Variants in PRIM2 observed in about 807,000 individuals in gnomAD.
PRIM2 encodes the protein DNA primase large subunit.
PRIM2 carries 39 observed loss-of-function variants against 67.3 expected under a neutral mutation model. The observed-to-expected ratio is 0.58, with a 90% CI of 0.45 to 0.76. The LOEUF (loss-of-function observed/expected upper bound fraction) is 0.76. Ranked by LOEUF, PRIM2 falls within the 30% of genes least tolerant of loss-of-function variation. PRIM2 has a pLI of 0.00. For missense variants in PRIM2, 398 were observed against 598.7 expected, an observed-to-expected ratio of 0.66 and a Z score of 3.50; for synonymous variants, 143 against 198.7, an observed-to-expected ratio of 0.72 and a Z score of 2.36.
intron 5 of PRIM2, among the ~76,000 whole-genome samples, chr6:57,327,154 G>A (rs1336351649): frequency 6.6e-6 from 1 of 151,898 alleles, no homozygotes; most frequent in Non-Finnish European, 1.5e-5. Context: ...CACCCGCCTC[G>A]GCCTCCCAAA....
At chr6:57,643,228 C>T (rs1777276757) in intron 13 of PRIM2, among the ~76,000 whole-genome samples, 1 of 152,146 alleles carries the variant, frequency 6.6e-6, no homozygotes, top group Admixed American at 6.5e-5. Flanking sequence ...ATTATTATAG[C>T]ATAAGATACT....
At chr6:57,629,381 TTA>T (rs1162866730) in intron 12 of PRIM2, among the ~76,000 whole-genome samples, 29 of 152,226 alleles carry the variant, frequency 1.9e-4, no homozygotes, top group African/African-American at 7.0e-4. Flanking sequence ...TACATTTATT[TTA>T]TATGATAGGT....
At chr6:57,484,297 C>T (rs1214487834) in intron 7 of PRIM2, among the ~76,000 whole-genome samples, 4 of 152,164 alleles carry the variant, frequency 2.6e-5, no homozygotes, top group African/African-American at 9.7e-5. Context: ...ACAGTATTCA[C>T]ACAGATGTTG....
intron 7 of PRIM2, among the ~76,000 whole-genome samples, chr6:57,451,320 T>A (rs1484542837): frequency 3.3e-5 from 5 of 152,200 alleles, no homozygotes; most frequent in African/African-American, 9.6e-5. Context: ...TTTGTACTTT[T>A]AGTAGAGATG....
the PRIM2 span, among the ~76,000 whole-genome samples, chr6:57,303,684 C>T: frequency 2.0e-5 from 3 of 152,106 alleles, no homozygotes; most frequent in Admixed American, 6.5e-5. Flanking sequence ...GGCACCATCT[C>T]GGCTCACTGC....
intron 13 of PRIM2, among the ~76,000 whole-genome samples, chr6:57,644,789 A>G (rs1777306246): frequency 6.6e-6 from 1 of 152,236 alleles, no homozygotes; most frequent in Non-Finnish European, 1.5e-5. Context: ...AGAAACCAAC[A>G]GTCACTCACT....
chr6:57,494,890 T>A lies in PRIM2; in HGVS notation c.694-12497T>A, dbSNP rs1249386644. ...CAGAAGGCTGAGGTGAAAATTCCAA[T>A]TGACATAAATGTGCTTATCACAGTG... is the stretch of plus-strand genomic sequence containing the variant. On this transcript the variant is annotated intron_variant, in intron 7 of 13. Transcript: ENST00000615550. Among the ~76,000 whole-genome samples the A allele has an allele frequency of 1.9e-3, 290 of 152,338 alleles. 1 individual carries two copies. Among genetic ancestry groups the A allele is most frequent in the Non-Finnish European group, 9.7e-4 (66 of 68,018 alleles).
At chr6:57,471,517 T>C (rs2127401883) in intron 7 of PRIM2, among the ~76,000 whole-genome samples, 1 of 151,666 alleles carries the variant, frequency 6.6e-6, no homozygotes, top group South Asian at 2.1e-4. Flanking sequence ...GTTAGAAAGG[T>C]GGTGAGGAAG....
chr6:57,567,095 A>G (rs1270851736), intron 10 of PRIM2, among the ~76,000 whole-genome samples: 3 of 152,150 alleles, frequency 2.0e-5, no homozygotes, highest in Non-Finnish European at 2.9e-5. Context: ...CCATGGCTAT[A>G]CCTTTACTTC....
intron 7 of PRIM2, among the ~76,000 whole-genome samples, chr6:57,401,167 G>A (rs72871667): frequency 2.0e-5 from 3 of 152,150 alleles, no homozygotes; most frequent in Non-Finnish European, 2.9e-5. Flanking sequence ...GAGAACATGC[G>A]TCACTCTGGT....
chr6:57,242,461 C>A, the PRIM2 span, among the ~76,000 whole-genome samples: 12 of 151,804 alleles, frequency 7.9e-5, no homozygotes, highest in South Asian at 2.1e-4. Context: ...TAATTTAATA[C>A]TAAAAAATTA....
chr6:57,339,462 A>G (rs1465106360), intron 5 of PRIM2, among the ~76,000 whole-genome samples: 2 of 152,134 alleles, frequency 1.3e-5, no homozygotes, highest in Non-Finnish European at 2.9e-5. Flanking sequence ...ACTATACTAC[A>G]AGGCTACAGT....
At chr6:57,245,256 T>G in the PRIM2 span, among the ~76,000 whole-genome samples, 44,453 of 151,970 alleles carry the variant, frequency 0.29, 7,165 homozygotes, top group East Asian at 0.61. Context: ...TTGAGCATGC[T>G]CCATCGTCCT....
intron 10 of PRIM2, among the ~76,000 whole-genome samples, chr6:57,584,153 A>G (rs1309340027): frequency 2.6e-5 from 4 of 152,220 alleles, no homozygotes; most frequent in Non-Finnish European, 5.9e-5. Context: ...CTGACTGAAT[A>G]TAATAGATAT....
At chr6:57,248,062 T>G in the PRIM2 span, among the ~76,000 whole-genome samples, 1 of 152,070 alleles carries the variant, frequency 6.6e-6, no homozygotes. Context: ...AATTAAGGAG[T>G]GTACATAAGA....
At chr6:57,561,513 G>A (rs1257985332) in intron 10 of PRIM2, among the ~76,000 whole-genome samples, 10 of 152,306 alleles carry the variant, frequency 6.6e-5, no homozygotes, top group South Asian at 2.1e-4. Flanking sequence ...GATCACAGGC[G>A]TGAGCCACTC....
At chr6:57,372,761 A>G (rs2127325054) in intron 5 of PRIM2, among the ~76,000 whole-genome samples, 1 of 152,312 alleles carries the variant, frequency 6.6e-6, no homozygotes, top group Middle Eastern at 3.4e-3. Flanking sequence ...AGCTCCATCC[A>G]TGTCCCTGCA....
intron 7 of PRIM2, among the ~76,000 whole-genome samples, chr6:57,477,782 A>C: frequency 6.6e-6 from 1 of 152,294 alleles, no homozygotes; most frequent in East Asian, 1.9e-4. Context: ...TTTGTTTAAA[A>C]CCAGATGATA....
the PRIM2 span, among the ~76,000 whole-genome samples, chr6:57,294,099 C>A: frequency 1.3e-5 from 2 of 152,074 alleles, no homozygotes; most frequent in Non-Finnish European, 2.9e-5. Context: ...TACTATGGAA[C>A]TATAAAAAAT....
Sources: allele counts gnomAD v4.1 joint callset (sites outside exome capture counted in the v4.1 genomes callset), GRCh38; gene constraint gnomAD v4.1.1; transcripts MANE v1.5; gene names NCBI Gene and HGNC (gene_info 2026-07-23, HGNC 2026-07-21).